The following JPH1 variants were observed in gnomAD, a reference collection of about 807,000 sequenced individuals.
JPH1 encodes junctophilin 1.
JPH1 carries 12 observed loss-of-function variants against 53.6 expected under a neutral mutation model. The ratio of observed to expected loss-of-function variants is 0.22; its 90% CI spans 0.14 to 0.36. The LOEUF (loss-of-function observed/expected upper bound fraction) is 0.36. Among genes scored for constraint, JPH1 ranks in the 10% least tolerant of loss-of-function variants. The pLI, the probability that JPH1 is intolerant of heterozygous loss-of-function variation, is 1.00. For synonymous variants in JPH1, 375 were observed against 363.8 expected, an observed-to-expected ratio of 1.03 and a Z score of -0.35; for missense variants, 808 against 905.5, an observed-to-expected ratio of 0.89 and a Z score of 1.38.
At chr8:74,314,673 G>A (rs951605301) in intron 2 of JPH1, among the ~76,000 whole-genome samples, 188 bp downstream of exon 2, 1 of 152,144 alleles carries the variant, frequency 6.6e-6, no homozygotes, top group African/African-American at 2.4e-5. Context: ...TTTGATGATG[G>A]GAAGTTTCAG....
At chr8:74,246,145 G>A (rs886138623) in intron 3 of JPH1, among the ~76,000 whole-genome samples, 4 of 152,014 alleles carry the variant, frequency 2.6e-5, no homozygotes, top group Admixed American at 6.6e-5. Context: ...GCCACTTTTC[G>A]CCTCATAAGG....
At chr8:74,316,725 C>T (rs1051921660) in intron 1 of JPH1, among the ~76,000 whole-genome samples, 1 of 152,140 alleles carries the variant, frequency 6.6e-6, no homozygotes, top group African/African-American at 2.4e-5. Flanking sequence ...AGTCTGTCAT[C>T]TAGAGCATTT....
At chr8:74,306,026 T>TA (rs1473708340) in intron 2 of JPH1, among the ~76,000 whole-genome samples, 3 of 152,166 alleles carry the variant, frequency 2.0e-5, no homozygotes, top group African/African-American at 7.2e-5. Context: ...TGTTTTGTTT[T>TA]AAAGAAAGAT....
intron 3 of JPH1, among the ~76,000 whole-genome samples, chr8:74,252,736 G>A (rs1382177783): frequency 1.3e-5 from 2 of 151,920 alleles, no homozygotes; most frequent in Admixed American, 1.3e-4. Context: ...CAAAGGCAGG[G>A]GTTGCAATCC....
At chr8:74,271,400 C>T (rs554304327) in intron 2 of JPH1, among the ~76,000 whole-genome samples, 4 of 152,332 alleles carry the variant, frequency 2.6e-5, no homozygotes, top group Admixed American at 2.6e-4. Context: ...CCAAGTTAGA[C>T]TTGTTCAATG....
intron 3 of JPH1, among the ~76,000 whole-genome samples, chr8:74,249,238 AT>A (rs1284328878): frequency 6.6e-6 from 1 of 152,188 alleles, no homozygotes; most frequent in Non-Finnish European, 1.5e-5. Context: ...ACAAATTTCT[AT>A]GAGGGCAGTG....
At position 74,321,095 on chromosome 8, in the gene JPH1, C is replaced by T; in HGVS notation, c.193G>A (p.Ala65Thr). The change falls in exon 1 of 6, where the codon GCG (alanine) becomes ACG (threonine). Residue 65 changes from alanine (A) to threonine (T), a missense_variant. Around this residue, in one of 2 missense-constraint regions of JPH1, gnomAD observed 52 missense variants for 93.6 expected, o/e 0.56. Transcript: ENST00000342232. This position sits in a 1 kb window ranked among gnomAD's most constrained non-coding sequence, Gnocchi z 4.3. ...PSGNTYQGYW[A>T]QGKRHGLGVE... ...CCCAGCCCGTGCCGCTTGCCCTGCG[C>T]CCAGTAGCCCTGGTAGGTGTTGCCG... 2 of 1,613,550 alleles carry T rather than the reference C, an allele frequency of 1.2e-6. No individual in the cohort carries two copies. The highest frequency in any genetic ancestry group is 1.7e-6 in the Non-Finnish European group (2 of 1,179,750).
chr8:74,284,410 C>A (rs897063635), intron 2 of JPH1, among the ~76,000 whole-genome samples: 1 of 152,064 alleles, frequency 6.6e-6, no homozygotes. Context: ...GCCTGTATTC[C>A]GGTCAAACGC....
At chr8:74,303,948 C>A (rs912868587) in intron 2 of JPH1, among the ~76,000 whole-genome samples, 1 of 152,000 alleles carries the variant, frequency 6.6e-6, no homozygotes, top group South Asian at 2.1e-4. Context: ...CAACACCCTA[C>A]ACCTAGCACT....
intron 2 of JPH1, among the ~76,000 whole-genome samples, 154 bp from the exon 3 acceptor site, chr8:74,259,657 T>A (rs1294668598): frequency 6.6e-6 from 1 of 152,214 alleles, no homozygotes; most frequent in Non-Finnish European, 1.5e-5. Flanking sequence ...GCCGTGAAAT[T>A]TCAATGAAGA....
In JPH1 at chr8:74,271,740, G is replaced by T. The variant is rs897307099; in HGVS notation, c.1140-12237C>A. 3.9e-5 allele frequency among the ~76,000 whole-genome samples: 6 copies of T among 152,298 alleles called. No homozygotes were observed. The East Asian group carries it at 1.2e-3, about 29-fold the overall frequency. On this transcript the variant is annotated intron_variant, in intron 2 of 5. Transcript: ENST00000342232. ...TTGTTATGGCATGAAGAAAACAGGG[G>T]CACAGAAAGCCCTTTTATAGTTTCA...
intron 2 of JPH1, among the ~76,000 whole-genome samples, chr8:74,274,033 T>C (rs555539795): frequency 2.0e-5 from 3 of 152,334 alleles, no homozygotes; most frequent in East Asian, 1.9e-4. Context: ...GTTGTGGTAG[T>C]AGGCTATATT....
rs1284490429 is a variant in JPH1 at position 74,273,950 on chromosome 8, T to C, written c.1140-14447A>G. Among the ~76,000 whole-genome samples, 3 of 152,294 alleles carry C rather than the reference T, an allele frequency of 2.0e-5. No homozygotes were observed. In the East Asian group the frequency reaches 5.8e-4, roughly 29 times the overall value. On this transcript the variant is annotated intron_variant, in intron 2 of 5. Transcript: ENST00000342232. ...TCAAAAGCCCATTTTTCCCGTCCCT[T>C]AGCCATCTCCTGGCAAGAAGCCCCA...
chr8:74,270,092 A>ATTT (rs3032978), intron 2 of JPH1, among the ~76,000 whole-genome samples: 3,183 of 150,986 alleles, frequency 0.021, 111 homozygotes, highest in African/African-American at 0.069. Context: ...CTCCCAATGT[A>ATTT]TTTTTTTTTA....
intron 3 of JPH1, among the ~76,000 whole-genome samples, chr8:74,254,392 C>T (rs1461473214): frequency 1.3e-5 from 2 of 152,050 alleles, no homozygotes; most frequent in Non-Finnish European, 2.9e-5. Context: ...TGGGATGTAT[C>T]TCAAAATAGT....
intron 2 of JPH1, among the ~76,000 whole-genome samples, chr8:74,308,338 T>C (rs965898808): frequency 2.0e-5 from 3 of 152,210 alleles, no homozygotes; most frequent in African/African-American, 7.2e-5. Flanking sequence ...CCTGTAACAA[T>C]GTTGACCTAA....
chr8:74,293,051 G>T (rs1349671708), intron 2 of JPH1, among the ~76,000 whole-genome samples: 2 of 152,176 alleles, frequency 1.3e-5, no homozygotes, highest in African/African-American at 4.8e-5. Context: ...CAAACCACAG[G>T]CTGGGATTCT....
Position 74,315,167 on chromosome 8 carries a change from G to A in JPH1, c.833C>T (p.Thr278Met), listed in dbSNP as rs773593138. ...PVEDHVDATT[T>M]ETYMGEWKND... ...CTTCCACTCGCCCATGTAGGTTTCC[G>A]TGGTGGTGGCGTCCACGTGGTCTTC... Residue 278 changes from threonine to methionine, a missense_variant, in exon 2 of 6, where the codon ACG becomes ATG. Physicochemically the swap from Thr to Met is moderately conservative, Grantham distance 81. Around this residue, in one of 2 missense-constraint regions of JPH1, gnomAD observed 756 missense variants for 811.9 expected, o/e 0.93. Transcript: ENST00000342232. The surrounding 1 kb of genome is among the most constrained non-coding windows in gnomAD (Gnocchi z 6.3). 5 of 1,614,182 alleles carry A rather than the reference G, an allele frequency of 3.1e-6. No homozygotes were observed. The highest frequency in any genetic ancestry group is 4.5e-5 in the East Asian group (2 of 44,880).
chr8:74,269,242 G>C (rs548330505), intron 2 of JPH1, among the ~76,000 whole-genome samples: 1 of 152,334 alleles, frequency 6.6e-6, no homozygotes, highest in African/African-American at 2.4e-5. Flanking sequence ...GAACTTGCTT[G>C]GGACTGTGCC....
Sources: gnomAD v4.1 joint callset for allele counts (sites outside exome capture counted in the v4.1 genomes callset) on GRCh38, gnomAD v4.1.1 for gene constraint, gnomAD v4.1.1 regional missense constraint, Gnocchi (gnomAD v3.1) non-coding constraint, MANE v1.5 for transcripts, NCBI Gene and HGNC (gene_info 2026-07-23, HGNC 2026-07-21) for gene names.